The following ZMYND11 variants were observed in gnomAD, a reference collection of about 807,000 sequenced individuals.
The protein encoded by ZMYND11 is zinc finger MYND-type containing 11.
ZMYND11 carries 9 observed loss-of-function variants against 84.9 expected under a neutral mutation model. That is an observed-to-expected ratio of 0.11 (90% CI 0.06 to 0.18). The LOEUF is 0.18. Ranked by LOEUF, ZMYND11 falls within the 10% of genes least tolerant of loss-of-function variation. ZMYND11 has a pLI of 1.00. For missense variants in ZMYND11, 409 were observed against 761.0 expected (o/e 0.54, Z 5.44); for synonymous variants, 250 against 244.1 (o/e 1.02, Z -0.23).
chr10:249,540 T>C (rs922029852), intron 14 of ZMYND11: 49 of 984,970 alleles, frequency 5.0e-5, no homozygotes, highest in Middle Eastern at 5.2e-4. Context: ...TCAGTTACTT[T>C]TACTTTATAG....
chr10:237,990 A>C (rs866342885), intron 6 of ZMYND11, among the ~76,000 whole-genome samples: 3 of 152,324 alleles, frequency 2.0e-5, no homozygotes, highest in Middle Eastern at 6.8e-3. Flanking sequence ...AGCATTTCAG[A>C]TGTAAAGAAT....
At chr10:214,603 C>T (rs1203339255) in intron 3 of ZMYND11, among the ~76,000 whole-genome samples, 1 of 152,098 alleles carries the variant, frequency 6.6e-6, no homozygotes, top group Non-Finnish European at 1.5e-5. Flanking sequence ...GGAAAAAGAC[C>T]GCAAGACCAG....
intron 1 of ZMYND11, among the ~76,000 whole-genome samples, chr10:170,453 T>TGTGTGCGTGC (rs1845049723): frequency 7.4e-6 from 1 of 135,106 alleles, no homozygotes; most frequent in African/African-American, 2.8e-5. Context: ...TGTGTGTGTG[T>TGTGTGCGTGC]GTGCGTGCTT....
upstream of ZMYND11, chr10:134,522 T>C (rs1008129822): frequency 1.8e-4 from 27 of 152,374 alleles, no homozygotes; most frequent in African/African-American, 6.3e-4. Context: ...GTCCTGTTCT[T>C]TTCGCGGTCC....
intron 6 of ZMYND11, among the ~76,000 whole-genome samples, chr10:238,056 C>T (rs1278160750): frequency 6.6e-6 from 1 of 152,020 alleles, no homozygotes; most frequent in Non-Finnish European, 1.5e-5. Flanking sequence ...AAAAGTAAAG[C>T]ATAGAACTGA....
intron 3 of ZMYND11, among the ~76,000 whole-genome samples, chr10:220,787 T>TTATA (rs377212320): frequency 5.9e-5 from 9 of 151,688 alleles, no homozygotes; most frequent in Non-Finnish European, 1.0e-4. Context: ...TCAAGGACTG[T>TTATA]TATATATATA....
chr10:145,232 ATATGTG>A (rs1254372440), intron 1 of ZMYND11, among the ~76,000 whole-genome samples: 3 of 150,900 alleles, frequency 2.0e-5, no homozygotes, highest in Non-Finnish European at 4.4e-5. Flanking sequence ...GTGTGTATAT[ATATGTG>A]TGTGTATGTA....
At chr10:203,069 TTTTATA>T (rs1216581863) in intron 2 of ZMYND11, among the ~76,000 whole-genome samples, 2 of 152,316 alleles carry the variant, frequency 1.3e-5, no homozygotes, top group African/African-American at 2.4e-5. Flanking sequence ...ATATTTATCA[TTTTATA>T]TTTATAAGAT....
At chr10:199,000 C>T (rs1942452802) in intron 2 of ZMYND11, among the ~76,000 whole-genome samples, 1 of 152,154 alleles carries the variant, frequency 6.6e-6, no homozygotes, top group Non-Finnish European at 1.5e-5. Context: ...TCCGTGGGTT[C>T]TTGCCAAGGC....
chr10:169,108 T>C (rs1844686807), intron 1 of ZMYND11, among the ~76,000 whole-genome samples: 2 of 152,044 alleles, frequency 1.3e-5, no homozygotes, highest in Non-Finnish European at 2.9e-5. Context: ...TACCAAAGCC[T>C]AACCTACCTG....
At chr10:145,226 GTA>G (rs79123006) in intron 1 of ZMYND11, among the ~76,000 whole-genome samples, 37,339 of 149,974 alleles carry the variant, frequency 0.25, 5,871 homozygotes, top group Non-Finnish European at 0.35. Flanking sequence ...ATATATGTGT[GTA>G]TATATATGTG....
At chr10:213,457 A>G (rs1945621182) in intron 3 of ZMYND11, among the ~76,000 whole-genome samples, 1 of 152,220 alleles carries the variant, frequency 6.6e-6, no homozygotes, top group Admixed American at 6.5e-5. Flanking sequence ...CCATCAAGAA[A>G]GGAACATGAC....
chr10:184,362 C>T (rs1203353261), intron 2 of ZMYND11, among the ~76,000 whole-genome samples: 2 of 152,026 alleles, frequency 1.3e-5, no homozygotes, highest in Non-Finnish European at 2.9e-5. Context: ...TCTTCTTTTC[C>T]TGTCTTCTGT....
At position 227,648 on chromosome 10, in the gene ZMYND11, T is replaced by A. The variant is rs903420151; in HGVS notation, c.438+6292T>A. On this transcript the variant is annotated intron_variant, in intron 4 of 14. Coordinates refer to ENST00000381604, the MANE Select transcript of ZMYND11 (RefSeq NM_001370100.5). ...GGGTATGTAGGCAGTACAGTCTTTTTAAATTCCAACAGTAAAGAGAATGCC... is the reference window on the plus strand; with the variant it reads ...GGGTATGTAGGCAGTACAGTCTTTTAAAATTCCAACAGTAAAGAGAATGCC... Among the ~76,000 whole-genome samples, 3 of 152,222 alleles carry A rather than the reference T, an allele frequency of 2.0e-5. 1 individual carries two copies. The South Asian group carries it at 6.2e-4, about 32-fold the overall frequency.
At chr10:137,563 T>A (rs571277929) in intron 1 of ZMYND11, among the ~76,000 whole-genome samples, 1 of 152,306 alleles carries the variant, frequency 6.6e-6, no homozygotes, top group East Asian at 1.9e-4. Flanking sequence ...TTGAGGTTGA[T>A]TTTAATTAAT....
intron 4 of ZMYND11, among the ~76,000 whole-genome samples, chr10:231,667 C>T (rs1034074525): frequency 1.3e-5 from 2 of 152,144 alleles, no homozygotes; most frequent in Non-Finnish European, 2.9e-5. Flanking sequence ...CGAAGGGCAC[C>T]ATGCTTTGTC....
chr10:209,066 T>G lies in ZMYND11; in HGVS notation c.117-823T>G, dbSNP rs145620220. Among the ~76,000 whole-genome samples, 21 of 151,702 alleles carry G rather than the reference T, an allele frequency of 1.4e-4. No individual in the cohort carries two copies. The East Asian group carries it at 3.9e-3, about 28-fold the overall frequency. Reference sequence around the variant, plus strand: ...ATATATATATAGAGAGAGAGAGAGATCAGCGTTGAGGTTTGTTTGGAGGAG... The same window carrying G: ...ATATATATATAGAGAGAGAGAGAGAGCAGCGTTGAGGTTTGTTTGGAGGAG... On this transcript the variant is annotated intron_variant, in intron 2 of 14. Transcript: ENST00000381604.
At chr10:250,978 G>C (rs1051934939) in intron 14 of ZMYND11, among the ~76,000 whole-genome samples, 6 of 152,128 alleles carry the variant, frequency 3.9e-5, no homozygotes, top group African/African-American at 1.4e-4. Context: ...AGCTGAGATT[G>C]TGCCACTGCA....
At chr10:218,948 T>C (rs1946658855) in intron 3 of ZMYND11, among the ~76,000 whole-genome samples, 1 of 152,248 alleles carries the variant, frequency 6.6e-6, no homozygotes, top group South Asian at 2.1e-4. Context: ...ACTTGACTTT[T>C]GCATGTTTTG....
Sources: allele counts gnomAD v4.1 joint callset (sites outside exome capture counted in the v4.1 genomes callset), GRCh38; gene constraint gnomAD v4.1.1; transcripts MANE v1.5; gene names NCBI Gene and HGNC (gene_info 2026-07-23, HGNC 2026-07-21).